MRC1: variants seen among roughly 807,000 people sequenced by gnomAD.
MRC1 encodes the protein macrophage mannose receptor 1.
Under a neutral mutation model 102.9 loss-of-function variants are expected in MRC1, and 62 were observed. The ratio of observed to expected loss-of-function variants is 0.60; its 90% CI spans 0.49 to 0.74. The LOEUF is 0.74. MRC1 is among the 30% of genes least tolerant of loss of function. The pLI, the probability that MRC1 is intolerant of heterozygous loss-of-function variation, is 0.00. For synonymous variants in MRC1, 457 were observed against 298.4 expected, an observed-to-expected ratio of 1.53 and a Z score of -5.48; for missense variants, 1,237 against 862.8, an observed-to-expected ratio of 1.43 and a Z score of -5.43.
Position 17,871,964 on chromosome 10 carries a change from T to C in MRC1, c.2200-18T>C. 1.3e-6 allele frequency: 1 copy of C among 779,930 alleles called. No homozygotes were observed. The highest frequency in any genetic ancestry group is 2.4e-6 in the Non-Finnish European group (1 of 417,506). The allele number at this position is 779,930 out of a possible 1,614,324, so 48.3% of individuals were successfully genotyped here. A position where few individuals can be genotyped will look rare whatever the true frequency, so the allele number is the denominator to read the frequency against. ...GATACAAATGGTTAATGGTTGTAGT[T>C]TAATGTTTCTAATATAGGTTTCATA... is the stretch of plus-strand genomic sequence containing the variant. On this transcript the variant is annotated intron_variant, in intron 14 of 29. Transcript: ENST00000569591.
intron 4 of MRC1, among the ~76,000 whole-genome samples, chr10:17,835,975 G>A (rs1362464701): frequency 1.3e-5 from 2 of 152,226 alleles, no homozygotes; most frequent in African/African-American, 4.8e-5. Context: ...CTAACACCAG[G>A]CAGCAGAGCA....
At chr10:17,881,002 A>G (rs1223128400) in intron 20 of MRC1, 65 bp from the exon 21 acceptor site, 2 of 777,588 alleles carry the variant, frequency 2.6e-6, no homozygotes, top group Admixed American at 1.7e-5. Context: ...TTGTAGAGCA[A>G]AGTTGATCAT....
In MRC1 at chr10:17,861,238, G is replaced by A; in HGVS notation, c.1519-149G>A. On this transcript the variant is annotated intron_variant, in intron 9 of 29. Transcript: ENST00000569591. The stretch of plus-strand genomic sequence containing the variant: ...TGAGGCAGGAGAATTGCTTGAACCT[G>A]GCAGGCGGAGGTTGCAGTGAGCCAA... 3 of 499,408 alleles carry A rather than the reference G, an allele frequency of 6.0e-6. No homozygotes were observed. In the Admixed American group the frequency reaches 9.8e-5, roughly 16 times the overall value. The allele number at this position is 499,408 out of a possible 1,614,324, so 30.9% of individuals were successfully genotyped here.
intron 4 of MRC1, among the ~76,000 whole-genome samples, chr10:17,840,480 G>A (rs1457504273): frequency 6.6e-6 from 1 of 152,146 alleles, no homozygotes; most frequent in Admixed American, 6.5e-5. Context: ...GATTACCTAT[G>A]CTGCCTCTGC....
intron 18 of MRC1, among the ~76,000 whole-genome samples, chr10:17,878,688 G>A (rs1445341631): frequency 6.6e-6 from 1 of 151,856 alleles, no homozygotes; most frequent in African/African-American, 2.4e-5. Context: ...ATTTGAGAAA[G>A]GTCTTGCTCT....
chr10:17,845,213 T>C, intron 5 of MRC1, 76 bp from the exon 6 acceptor site: 1 of 780,488 alleles, frequency 1.3e-6, no homozygotes, highest in Non-Finnish European at 2.4e-6. Flanking sequence ...GATGAAGACA[T>C]GAGGAGACGT....
At chr10:17,851,601 C>A (rs1470753635) in intron 7 of MRC1, among the ~76,000 whole-genome samples, 2 of 152,110 alleles carry the variant, frequency 1.3e-5, no homozygotes, top group Admixed American at 1.3e-4. Context: ...TGGGGGAGAA[C>A]AATTTAGTGA....
At chr10:17,811,552 G>A (rs1323747373) in intron 1 of MRC1, among the ~76,000 whole-genome samples, 1 of 151,770 alleles carries the variant, frequency 6.6e-6, no homozygotes, top group Non-Finnish European at 1.5e-5. Context: ...CTACGTGAAA[G>A]CCTGTAATTT....
In MRC1 at chr10:17,846,443, G is replaced by GT. The variant is rs1254006632; in HGVS notation, c.1063+1015dup. 4.6e-5 allele frequency among the ~76,000 whole-genome samples: 7 copies of GT among 152,098 alleles called. No individual in the cohort carries two copies. The East Asian group carries it at 1.4e-3, about 29-fold the overall frequency. On this transcript the variant is annotated intron_variant, in intron 6 of 29. Coordinates refer to ENST00000569591, the MANE Select transcript of MRC1 (RefSeq NM_002438.4). ...AGGAAACTGACAATGTGGCATTCTT[G>GT]TTTTTTTCTTCCCATTGGCTTTGAA...
intron 1 of MRC1, among the ~76,000 whole-genome samples, chr10:17,813,675 A>AT (rs1838260195): frequency 7.2e-6 from 1 of 138,542 alleles, no homozygotes; most frequent in Non-Finnish European, 1.5e-5. Flanking sequence ...ACACACACAC[A>AT]CACACATTAT....
At chr10:17,845,508 T>C in intron 6 of MRC1, 73 bp downstream of exon 6, 1 of 772,188 alleles carries the variant, frequency 1.3e-6, no homozygotes, top group Non-Finnish European at 2.4e-6. Flanking sequence ...AGCTTAGGTG[T>C]AACTGTTGGA....
chr10:17,874,994 T>G, intron 16 of MRC1, 96 bp from the exon 17 acceptor site: 2 of 771,192 alleles, frequency 2.6e-6, no homozygotes, highest in Non-Finnish European at 4.8e-6. Context: ...CCTCTTGATA[T>G]AGCAGCTCTA....
chr10:17,842,164 C>T (rs1355429501), intron 5 of MRC1, among the ~76,000 whole-genome samples: 3 of 152,156 alleles, frequency 2.0e-5, no homozygotes, highest in Non-Finnish European at 4.4e-5. Flanking sequence ...GATTTCCCCA[C>T]ATTGGCCAGG....
chr10:17,809,815 C>T (rs1400265844), intron 1 of MRC1, among the ~76,000 whole-genome samples: 1 of 152,210 alleles, frequency 6.6e-6, no homozygotes, highest in Admixed American at 6.5e-5. Context: ...CTCGTTGTTC[C>T]TTCCCTGTTT....
Position 17,870,426 on chromosome 10 carries a change from GAA to G in MRC1, c.2111+54_2111+55del. On this transcript the variant is annotated intron_variant, in intron 13 of 29. Coordinates refer to ENST00000569591, the MANE Select transcript of MRC1 (RefSeq NM_002438.4). ...TTTTTGTTATCTAGTTGGTGCTTAT[GAA>G]GTTGAGAAAATTTGTCTGTTTCTGA... is the stretch of plus-strand genomic sequence containing the variant. 3 of 779,508 alleles carry G rather than the reference GAA, an allele frequency of 3.8e-6. No homozygotes were observed. In the South Asian group the frequency reaches 4.0e-5, roughly 10 times the overall value. The allele number at this position is 779,508 out of a possible 1,614,324, so 48.3% of individuals were successfully genotyped here. A position where few individuals can be genotyped will look rare whatever the true frequency, so the allele number is the denominator to read the frequency against.
intron 11 of MRC1, among the ~76,000 whole-genome samples, chr10:17,865,122 T>G (rs1244580314): frequency 3.3e-5 from 5 of 152,232 alleles, no homozygotes; most frequent in Admixed American, 3.3e-4. Context: ...ACATCCCTTA[T>G]AGCAAATATT....
chr10:17,910,520 A>T lies in MRC1; in HGVS notation c.*55A>T, dbSNP rs1252289908. The T allele has an allele frequency of 2.9e-5, 23 of 780,226 alleles. No individual in the cohort carries two copies. Among genetic ancestry groups the T allele is most frequent in the South Asian group, 1.5e-4 (11 of 74,524 alleles). 48.3% of individuals were successfully genotyped at this position (780,226 alleles called of 1,614,324 possible). On this transcript the variant is annotated 3_prime_UTR_variant, in exon 30 of 30. Coordinates refer to ENST00000569591, the MANE Select transcript of MRC1 (RefSeq NM_002438.4). ...TTTCATAAAATTGTAACTGAAATTT[A>T]AAATTTTTAGTTCAATGTGATTGTT... is the stretch of plus-strand genomic sequence containing the variant.
intron 23 of MRC1, among the ~76,000 whole-genome samples, chr10:17,896,075 T>C (rs1436165199): frequency 1.3e-5 from 2 of 152,144 alleles, no homozygotes; most frequent in Admixed American, 1.3e-4. Context: ...TCCTACCTCA[T>C]AGCTACACAA....
chr10:17,891,887 T>C (rs1833683067), intron 22 of MRC1, among the ~76,000 whole-genome samples: 2 of 152,088 alleles, frequency 1.3e-5, no homozygotes, highest in South Asian at 2.1e-4. Context: ...TGGTAAGATA[T>C]TGGGGAGGGG....
Sources: gnomAD v4.1 joint callset for allele counts (sites outside exome capture counted in the v4.1 genomes callset) on GRCh38, gnomAD v4.1.1 for gene constraint, MANE v1.5 for transcripts, NCBI Gene and HGNC (gene_info 2026-07-23, HGNC 2026-07-21) for gene names.